Variants in FAM135B observed in about 807,000 individuals in gnomAD.
The protein encoded by FAM135B is protein FAM135B.
A neutral mutation model predicts 127.7 loss-of-function variants in FAM135B; 43 were observed. The ratio of observed to expected loss-of-function variants is 0.34; its 90% CI spans 0.26 to 0.43. FAM135B has a LOEUF of 0.43. Among genes scored for constraint, FAM135B ranks in the 20% least tolerant of loss-of-function variants. The probability of loss-of-function intolerance (pLI) is 1.00; values close to 1 mark genes in which losing one functional copy is unlikely to be tolerated. For synonymous variants in FAM135B, 670 were observed against 665.1 expected (o/e 1.01, Z -0.11); for missense variants, 1,558 against 1,725.6 (o/e 0.90, Z 1.72).
chr8:138,411,737 T>G (rs572500687), intron 1 of FAM135B, among the ~76,000 whole-genome samples: 1 of 152,284 alleles, frequency 6.6e-6, no homozygotes, highest in African/African-American at 2.4e-5. Context: ...AACCTACTCA[T>G]CTGACAAAGG....
At chr8:138,277,312 T>A (rs75066117) in intron 3 of FAM135B, among the ~76,000 whole-genome samples, 153 of 152,204 alleles carry the variant, frequency 1.0e-3, no homozygotes, top group African/African-American at 3.5e-3. Context: ...GACACGGGAA[T>A]TCCTTCAGGG....
intron 7 of FAM135B, among the ~76,000 whole-genome samples, chr8:138,211,250 C>T (rs1376431133): frequency 6.6e-6 from 1 of 152,134 alleles, no homozygotes; most frequent in Non-Finnish European, 1.5e-5. Context: ...CTACAGCAAT[C>T]ATAGAAACCA....
chr8:138,445,360 T>C (rs933371734), intron 1 of FAM135B, among the ~76,000 whole-genome samples: 9 of 152,134 alleles, frequency 5.9e-5, no homozygotes, highest in South Asian at 2.1e-4. Flanking sequence ...AAAAAGAGAA[T>C]TTTAGACCAA....
At chr8:138,169,546 A>G (rs1820243817) in intron 11 of FAM135B, among the ~76,000 whole-genome samples, 1 of 150,398 alleles carries the variant, frequency 6.6e-6, no homozygotes, top group African/African-American at 2.5e-5. Flanking sequence ...CAGCATATTT[A>G]ACTCTTTAAA....
chr8:138,263,496 G>A (rs1822695254), intron 4 of FAM135B, among the ~76,000 whole-genome samples: 1 of 152,196 alleles, frequency 6.6e-6, no homozygotes, highest in African/African-American at 2.4e-5. Context: ...AGGGGAAACG[G>A]CCAAGTAGTC....
At chr8:138,144,751 G>A (rs1817517578) in intron 15 of FAM135B, among the ~76,000 whole-genome samples, 1 of 152,162 alleles carries the variant, frequency 6.6e-6, no homozygotes. Flanking sequence ...AGTGAATTGT[G>A]TAAAGGTCCA....
chr8:138,151,661 G>A lies in FAM135B; in HGVS notation c.2814C>T (p.Ser938=), dbSNP rs769125344. 4 of 1,614,162 alleles carry A rather than the reference G, an allele frequency of 2.5e-6. No individual in the cohort carries two copies. The highest frequency in any genetic ancestry group is 3.4e-6 in the Non-Finnish European group (4 of 1,180,038). The change falls in exon 13 of 20, where the codon AGC becomes AGT. Residue 938 remains serine (S), a synonymous_variant. Coordinates refer to ENST00000395297, the MANE Select transcript of FAM135B (RefSeq NM_015912.4). ...GLSQHQVPEL[S]CTSAADAINR... is the part of the protein sequence containing the mutation. ...TGATGGCATCAGCAGCTGACGTACA[G>A]CTCAATTCAGGCACCTGATGTTGAG...
chr8:138,168,209 GCCATAGT>G (rs1315997593), intron 11 of FAM135B, among the ~76,000 whole-genome samples, 160 bp from the exon 12 acceptor site: 1 of 152,148 alleles, frequency 6.6e-6, no homozygotes, highest in Non-Finnish European at 1.5e-5. Context: ...AGCCCCCAGA[GCCATAGT>G]CTGCTTTGTT....
chr8:138,415,878 A>G (rs577527512), intron 1 of FAM135B, among the ~76,000 whole-genome samples: 1 of 152,290 alleles, frequency 6.6e-6, no homozygotes, highest in Admixed American at 6.5e-5. Context: ...TTTATCAAAT[A>G]TCTCCATTGG....
intron 1 of FAM135B, among the ~76,000 whole-genome samples, chr8:138,393,064 G>A (rs549274682): frequency 3.8e-4 from 58 of 152,244 alleles, no homozygotes; most frequent in Non-Finnish European, 5.4e-4. Flanking sequence ...CATGGATGGC[G>A]GCAGGCAAAG....
chr8:138,472,579 T>C (rs745313586), intron 1 of FAM135B, among the ~76,000 whole-genome samples: 9 of 151,430 alleles, frequency 5.9e-5, no homozygotes, highest in Non-Finnish European at 8.8e-5. Context: ...TTGGAAGATT[T>C]TGAACAATTC....
At chr8:138,397,587 T>A (rs1159105585) in intron 1 of FAM135B, among the ~76,000 whole-genome samples, 1 of 152,202 alleles carries the variant, frequency 6.6e-6, no homozygotes, top group Non-Finnish European at 1.5e-5. Context: ...TGAAAATAAT[T>A]GCTGTTGACT....
intron 2 of FAM135B, among the ~76,000 whole-genome samples, chr8:138,335,585 A>G (rs966568804): frequency 3.3e-5 from 5 of 152,210 alleles, no homozygotes; most frequent in Admixed American, 3.3e-4. Context: ...CACCCAATAC[A>G]GGAGCACCCA....
At chr8:138,456,408 G>A (rs534500508) in intron 1 of FAM135B, among the ~76,000 whole-genome samples, 1 of 152,322 alleles carries the variant, frequency 6.6e-6, no homozygotes, top group South Asian at 2.1e-4. Flanking sequence ...AGAGGGTGAA[G>A]GGAGTGGGGA....
chr8:138,394,130 A>T (rs931976545), intron 1 of FAM135B, among the ~76,000 whole-genome samples: 8 of 152,192 alleles, frequency 5.3e-5, no homozygotes, highest in Non-Finnish European at 1.2e-4. Flanking sequence ...TCTATTTCTC[A>T]GAAGAAGACA....
intron 7 of FAM135B, among the ~76,000 whole-genome samples, chr8:138,228,586 A>G (rs1819659462): frequency 1.3e-5 from 2 of 152,090 alleles, no homozygotes. Context: ...TGTGTTTGAC[A>G]AGGTAGGTTT....
intron 1 of FAM135B, among the ~76,000 whole-genome samples, chr8:138,378,874 C>T (rs1010726303): frequency 6.6e-6 from 1 of 152,136 alleles, no homozygotes; most frequent in African/African-American, 2.4e-5. Flanking sequence ...TAAGATTTCA[C>T]AATCTCATAA....
At chr8:138,479,961 C>T (rs1337590823) in intron 1 of FAM135B, among the ~76,000 whole-genome samples, 1 of 152,152 alleles carries the variant, frequency 6.6e-6, no homozygotes, top group Non-Finnish European at 1.5e-5. Context: ...ATCAGGGAGG[C>T]TCAATTCCTC....
chr8:138,481,443 T>C (rs1387048359), intron 1 of FAM135B, among the ~76,000 whole-genome samples: 1 of 152,230 alleles, frequency 6.6e-6, no homozygotes, highest in Non-Finnish European at 1.5e-5. Flanking sequence ...TCAGGTCAAT[T>C]AGCTTGCATA....
Sources: allele counts gnomAD v4.1 joint callset (sites outside exome capture counted in the v4.1 genomes callset), GRCh38; gene constraint gnomAD v4.1.1; transcripts MANE v1.5; gene names NCBI Gene and HGNC (gene_info 2026-07-23, HGNC 2026-07-21).